Variants in PTPRO observed in about 807,000 individuals in gnomAD.
The protein encoded by PTPRO is receptor-type tyrosine-protein phosphatase O.
PTPRO carries 62 observed loss-of-function variants against 145.2 expected under a neutral mutation model. The ratio of observed to expected loss-of-function variants is 0.43; its 90% CI spans 0.35 to 0.53. The LOEUF is 0.53. Ranked by LOEUF, PTPRO falls within the 20% of genes least tolerant of loss-of-function variation. The pLI is 0.01. For synonymous variants in PTPRO, 565 were observed against 514.7 expected (o/e 1.10, Z -1.32); for missense variants, 1,345 against 1,482.7 (o/e 0.91, Z 1.53).
At chr12:15,488,961 C>T (rs115679121) in intron 2 of PTPRO, among the ~76,000 whole-genome samples, 140 of 152,206 alleles carry the variant, frequency 9.2e-4, no homozygotes, top group African/African-American at 3.1e-3. Flanking sequence ...TGTCATGTGT[C>T]AGTGAAGTTC....
intron 1 of PTPRO, among the ~76,000 whole-genome samples, chr12:15,428,317 G>C (rs770004976): frequency 6.6e-6 from 1 of 152,138 alleles, no homozygotes; most frequent in Non-Finnish European, 1.5e-5. Flanking sequence ...CACTCTCGTT[G>C]TCTGTTCACA....
rs533217212 is a variant in PTPRO at position 15,595,699 on chromosome 12, T to C, written c.*17-391T>C. 5 of 155,872 alleles carry C rather than the reference T, an allele frequency of 3.2e-5. No individual in the cohort carries two copies. In the South Asian group the frequency reaches 9.9e-4, roughly 31 times the overall value. 9.7% of individuals were successfully genotyped at this position (155,872 alleles called of 1,614,324 possible). A position where few individuals can be genotyped will look rare whatever the true frequency, so the allele number is the denominator to read the frequency against. On this transcript the variant is annotated intron_variant, in intron 26 of 26. Transcript: ENST00000281171. ...CCCATTTAGTTCAGTAAACAGACTG[T>C]AGAGTGTCTGACTATACTGGGGGAA...
rs559008657 is a variant in PTPRO, at chr12:15,489,318, T to C, written c.349+5071T>C. ...GTGCACACCGCAAAGCAAAAGCAAGTTCATTAAGAAAGTAAAGGAATGAAA... is the reference window on the plus strand; with the variant it reads ...GTGCACACCGCAAAGCAAAAGCAAGCTCATTAAGAAAGTAAAGGAATGAAA... On this transcript the variant is annotated intron_variant, in intron 2 of 26. Coordinates refer to ENST00000281171, the MANE Select transcript of PTPRO (RefSeq NM_030667.3). Among the ~76,000 whole-genome samples the C allele has an allele frequency of 3.3e-5, 5 of 152,142 alleles. No homozygotes were observed. In the East Asian group the frequency reaches 7.7e-4, roughly 24 times the overall value.
Position 15,580,796 on chromosome 12 carries a change from A to G in PTPRO, c.3097A>G (p.Ile1033Val), listed in dbSNP as rs757131709. The stretch of plus-strand genomic sequence containing the variant: ...GGTCCTGCAACAAAAGTCTCAGATT[A>G]TTGTCATGCTCACTCAGTGTAATGA... ...KMVLQQKSQI[I>V]VMLTQCNEKR... The change falls in exon 22 of 27, where the codon ATT becomes GTT. Residue 1033 changes from isoleucine (I) to valine (V), a missense_variant. By Grantham distance (29) the Ile-to-Val change is conservative. Coordinates refer to ENST00000281171, the MANE Select transcript of PTPRO (RefSeq NM_030667.3). The G allele has an allele frequency of 7.4e-6, 12 of 1,613,984 alleles. No homozygotes were observed. The highest frequency in any genetic ancestry group is 1.0e-5 in the Non-Finnish European group (12 of 1,179,908).
At chr12:15,421,476 T>C (rs973546131) in intron 1 of PTPRO, among the ~76,000 whole-genome samples, 2 of 152,178 alleles carry the variant, frequency 1.3e-5, no homozygotes, top group African/African-American at 4.8e-5. Flanking sequence ...GACCTTAGAA[T>C]AGGCATAGTA....
chr12:15,440,233 C>G (rs1237075451), intron 1 of PTPRO: 2 of 644,644 alleles, frequency 3.1e-6, no homozygotes. Context: ...GCAACTTTTC[C>G]AAGGCCACCT....
intron 15 of PTPRO, among the ~76,000 whole-genome samples, chr12:15,556,581 A>G (rs557029281): frequency 6.6e-6 from 1 of 152,218 alleles, no homozygotes; most frequent in East Asian, 1.9e-4. Flanking sequence ...TAGGCACACC[A>G]GAAGCTTGCC....
Position 15,596,451 on chromosome 12 carries a change from T to G in PTPRO, c.*378T>G, listed in dbSNP as rs994343107. The G allele has an allele frequency of 3.3e-5, 5 of 152,636 alleles. No homozygotes were observed. Among genetic ancestry groups the G allele is most frequent in the African/African-American group, 1.2e-4 (5 of 41,446 alleles). 9.5% of individuals were successfully genotyped at this position (152,636 alleles called of 1,614,324 possible). The stretch of plus-strand genomic sequence containing the variant: ...AATAATTTTTGTGTGTGTGTGATTC[T>G]TATCAGAAAGTTGAATTGTTTTCTG... On this transcript the variant is annotated 3_prime_UTR_variant, in exon 27 of 27. Coordinates refer to ENST00000281171, the MANE Select transcript of PTPRO (RefSeq NM_030667.3).
intron 1 of PTPRO, among the ~76,000 whole-genome samples, chr12:15,451,947 A>G (rs111538796): frequency 0.012 from 1,837 of 152,290 alleles, 33 homozygotes; most frequent in African/African-American, 0.042. Context: ...TAGAGAAACA[A>G]GAACAAACCA....
rs1177789187 is a variant in PTPRO at position 15,392,720 on chromosome 12, C to CAAAAAAAAA, written c.75+69933_75+69941dup. Reference sequence around the variant, plus strand: ...TGGGTGACAGAGTGAGACCCTGTCTCAAAAAAAAAAAAAAAAAAAAAAGAA... The same window carrying CAAAAAAAAA: ...TGGGTGACAGAGTGAGACCCTGTCTCAAAAAAAAAAAAAAAAAAAAAAAAAAAAAAAGAA... On this transcript the variant is annotated intron_variant, in intron 1 of 26. Coordinates refer to ENST00000281171, the MANE Select transcript of PTPRO (RefSeq NM_030667.3). Among the ~76,000 whole-genome samples the CAAAAAAAAA allele has an allele frequency of 1.1e-3, 70 of 66,650 alleles. 1 individual carries two copies. The highest frequency in any genetic ancestry group is 2.4e-3 in the East Asian group (5 of 2,058). The allele number at this position is 66,650 out of a possible 152,430, so 43.7% of individuals were successfully genotyped here.
rs145908956 is a variant in PTPRO at position 15,513,947 on chromosome 12, T to C, written c.1465-1551T>C. ...AGTAGAGTCAGGATTTGATTCCAGGTAGTCCAAAAAAAGAATGTGTGTTCT... is the reference window on the plus strand; with the variant it reads ...AGTAGAGTCAGGATTTGATTCCAGGCAGTCCAAAAAAAGAATGTGTGTTCT... On this transcript the variant is annotated intron_variant, in intron 7 of 26. Transcript: ENST00000281171. Among the ~76,000 whole-genome samples, 44 of 152,230 alleles carry C rather than the reference T, an allele frequency of 2.9e-4. No individual in the cohort carries two copies. The East Asian group carries it at 8.3e-3, about 29-fold the overall frequency.
chr12:15,452,871 C>T (rs253792), intron 1 of PTPRO, among the ~76,000 whole-genome samples: 2,496 of 152,156 alleles, frequency 0.016, 77 homozygotes, highest in African/African-American at 0.057. Context: ...AGGTGCAACA[C>T]TCTTTTCTGA....
chr12:15,591,045 A>G (rs976239657), intron 25 of PTPRO, among the ~76,000 whole-genome samples: 2 of 152,134 alleles, frequency 1.3e-5, no homozygotes, highest in Admixed American at 1.3e-4. Context: ...TTGTCTCCTC[A>G]ATTTACTTAA....
intron 1 of PTPRO, among the ~76,000 whole-genome samples, chr12:15,474,131 G>GA (rs1941603368): frequency 6.6e-6 from 1 of 152,104 alleles, no homozygotes; most frequent in African/African-American, 2.4e-5. Flanking sequence ...AGGAGTAAAA[G>GA]AAAAAACATA....
intron 1 of PTPRO, among the ~76,000 whole-genome samples, chr12:15,415,606 C>A (rs757772957): frequency 1.3e-5 from 2 of 151,574 alleles, no homozygotes; most frequent in Non-Finnish European, 2.9e-5. Flanking sequence ...AGGATGGTCT[C>A]GATCTCCCGA....
intron 1 of PTPRO, among the ~76,000 whole-genome samples, chr12:15,373,861 G>A (rs117743430): frequency 1.4e-3 from 217 of 152,180 alleles, no homozygotes; most frequent in Middle Eastern, 3.4e-3. Flanking sequence ...TGTTCCAGAG[G>A]CTTGTTTGGG....
chr12:15,569,881 T>C (rs536440322), intron 19 of PTPRO, among the ~76,000 whole-genome samples: 20 of 152,260 alleles, frequency 1.3e-4, no homozygotes, highest in South Asian at 1.2e-3. Context: ...TAGGCCACAG[T>C]AGTGGCGGAT....
At chr12:15,434,903 G>A (rs1940552586) in intron 1 of PTPRO, among the ~76,000 whole-genome samples, 2 of 152,140 alleles carry the variant, frequency 1.3e-5, no homozygotes, top group Non-Finnish European at 1.5e-5. Context: ...TGCCCTTTTG[G>A]TTGCAAGAAT....
rs117680407 is a variant in PTPRO, at chr12:15,450,880, C to A, written c.76-33094C>A. On this transcript the variant is annotated intron_variant, in intron 1 of 26. Transcript: ENST00000281171. ...ATCCTCAAAATACATCAAAACAGAA[C>A]CCCCTCAAAGCATAAGTCTCACAGG... is the stretch of plus-strand genomic sequence containing the variant. Among the ~76,000 whole-genome samples, 186 of 152,034 alleles carry A rather than the reference C, an allele frequency of 1.2e-3. 4 individuals carry two copies. In the East Asian group the frequency reaches 0.032, roughly 26 times the overall value.
Sources: allele counts gnomAD v4.1 joint callset (sites outside exome capture counted in the v4.1 genomes callset), GRCh38; gene constraint gnomAD v4.1.1; transcripts MANE v1.5; gene names NCBI Gene and HGNC (gene_info 2026-07-23, HGNC 2026-07-21).